ANO3: variants seen among roughly 807,000 people sequenced by gnomAD.
The protein encoded by ANO3 is anoctamin 3.
ANO3 carries 99 observed loss-of-function variants against 144.8 expected under a neutral mutation model. The ratio of observed to expected loss-of-function variants is 0.68; its 90% confidence interval spans 0.58 to 0.81. ANO3 has a LOEUF of 0.81. ANO3 is among the 30% of genes least tolerant of loss of function. The pLI is 0.00. For synonymous variants in ANO3, 414 were observed against 392.6 expected (o/e 1.05, Z -0.64); for missense variants, 905 against 1,202.2 (o/e 0.75, Z 3.66).
At chr11:26,649,706 C>T (rs1251346671) in intron 24 of ANO3, among the ~76,000 whole-genome samples, 1 of 151,484 alleles carries the variant, frequency 6.6e-6, no homozygotes, top group Non-Finnish European at 1.5e-5. Context: ...CATTGCACTC[C>T]AGCCTGGACG....
chr11:26,464,148 T>G (rs879424212), intron 4 of ANO3, among the ~76,000 whole-genome samples: 3 of 151,878 alleles, frequency 2.0e-5, no homozygotes, highest in Non-Finnish European at 2.9e-5. Flanking sequence ...GACTAAATAT[T>G]ACTATCATGA....
upstream of ANO3, among the ~76,000 whole-genome samples, chr11:26,306,548 C>G (rs1190043991): frequency 6.6e-6 from 1 of 152,050 alleles, no homozygotes; most frequent in Non-Finnish European, 1.5e-5. Context: ...CCTGTGGTCC[C>G]AGCTACTTGG....
chr11:26,441,770 T>G (rs554628102), intron 1 of ANO3, 148 bp from the exon 2 acceptor site: 32 of 563,674 alleles, frequency 5.7e-5, no homozygotes, highest in East Asian at 5.2e-4. Flanking sequence ...TGACAAAACA[T>G]AAACAAGACT....
At chr11:26,438,917 A>T (rs750675757) in intron 1 of ANO3, among the ~76,000 whole-genome samples, 4 of 152,214 alleles carry the variant, frequency 2.6e-5, no homozygotes, top group Non-Finnish European at 5.9e-5. Flanking sequence ...AAGAACTCAG[A>T]TTTTCTGGTT....
chr11:26,642,271 T>C (rs1481008148), intron 22 of ANO3, among the ~76,000 whole-genome samples: 1 of 152,070 alleles, frequency 6.6e-6, no homozygotes, highest in African/African-American at 2.4e-5. Context: ...GAACACCTAT[T>C]TTATGAGCAA....
At chr11:26,210,003 G>T (rs1341495848) in intron 1 of ANO3, among the ~76,000 whole-genome samples, 3 of 152,108 alleles carry the variant, frequency 2.0e-5, no homozygotes, top group Non-Finnish European at 4.4e-5. Context: ...GATATCATTT[G>T]TCAATTTTGG....
At chr11:26,457,723 A>AT (rs1859222623) in intron 3 of ANO3, among the ~76,000 whole-genome samples, 1 of 152,114 alleles carries the variant, frequency 6.6e-6, no homozygotes, top group Admixed American at 6.6e-5. Context: ...CCTTGCCACT[A>AT]TGTCAGCCTT....
chr11:26,379,804 T>C (rs145372888), intron 1 of ANO3, among the ~76,000 whole-genome samples: 2,243 of 151,912 alleles, frequency 0.015, 61 homozygotes, highest in Admixed American at 0.074. Flanking sequence ...AAAAGAATGG[T>C]GAAAATTGGA....
At chr11:26,598,282 T>C in intron 14 of ANO3, 83 bp from the exon 15 acceptor site, 1 of 603,270 alleles carries the variant, frequency 1.7e-6, no homozygotes, top group Non-Finnish European at 2.6e-6. Flanking sequence ...TAATTTTAAT[T>C]ATGAGATAAG....
At chr11:26,346,548 A>C (rs183052660) in intron 1 of ANO3, among the ~76,000 whole-genome samples, 59 of 152,242 alleles carry the variant, frequency 3.9e-4, no homozygotes, top group African/African-American at 1.3e-3. Context: ...ATCTGGACTT[A>C]ATATTTATGT....
At chr11:26,410,755 G>T (rs1192840274) in intron 1 of ANO3, among the ~76,000 whole-genome samples, 1 of 151,994 alleles carries the variant, frequency 6.6e-6, no homozygotes, top group African/African-American at 2.4e-5. Flanking sequence ...AAGGTTAACA[G>T]CTGGAACTGT....
intron 5 of ANO3, among the ~76,000 whole-genome samples, chr11:26,514,085 G>GTTTT (rs142484477): frequency 1.4e-4 from 21 of 146,546 alleles, no homozygotes; most frequent in Non-Finnish European, 1.7e-4. Context: ...TACAGAAAGA[G>GTTTT]TTTTTTTTTT....
Position 26,661,426 on chromosome 11 carries a change from A to C in ANO3, c.*982A>C, listed in dbSNP as rs1383408240. The C allele has an allele frequency of 6.6e-6, 1 of 152,556 alleles. No homozygotes were observed. The highest frequency in any genetic ancestry group is 2.4e-5 in the African/African-American group (1 of 41,454). 9.5% of individuals were successfully genotyped at this position (152,556 alleles called of 1,614,324 possible). ...TTGTGGTTTATGCAGCTCTGACACC[A>C]GTTTTTGCTATTGTAATATGTTTAT... On this transcript the variant is annotated 3_prime_UTR_variant, in exon 27 of 27. Coordinates refer to ENST00000256737, the MANE Select transcript of ANO3 (RefSeq NM_031418.4).
intron 3 of ANO3, among the ~76,000 whole-genome samples, chr11:26,446,097 G>A (rs1858693932): frequency 6.6e-6 from 1 of 152,140 alleles, no homozygotes; most frequent in Non-Finnish European, 1.5e-5. Context: ...CTACCAAAGT[G>A]CTGGGATTAC....
intron 1 of ANO3, among the ~76,000 whole-genome samples, chr11:26,367,552 C>T (rs1395930833): frequency 1.3e-5 from 2 of 151,942 alleles, no homozygotes; most frequent in Non-Finnish European, 2.9e-5. Flanking sequence ...GTCTGTTACC[C>T]AGTTCCAAAG....
At position 26,660,842 on chromosome 11, in the gene ANO3, C is replaced by T; in HGVS notation, c.*398C>T. ...TAAAATATCATGCAGTCTTCACTCACATACTAATTTGACTTTGGAAAGTAT... is the reference window on the plus strand; with the variant it reads ...TAAAATATCATGCAGTCTTCACTCATATACTAATTTGACTTTGGAAAGTAT... On this transcript the variant is annotated 3_prime_UTR_variant, in exon 27 of 27. Coordinates refer to ENST00000256737, the MANE Select transcript of ANO3 (RefSeq NM_031418.4). 6.2e-6 allele frequency: 1 copy of T among 161,466 alleles called. No individual in the cohort carries two copies. The highest frequency in any genetic ancestry group is 1.8e-4 in the East Asian group (1 of 5,504). The allele number at this position is 161,466 out of a possible 1,614,324, so 10.0% of individuals were successfully genotyped here. A position where few individuals can be genotyped will look rare whatever the true frequency, so the allele number is the denominator to read the frequency against.
chr11:26,606,607 T>A (rs1275561345), intron 17 of ANO3, among the ~76,000 whole-genome samples: 1 of 151,946 alleles, frequency 6.6e-6, no homozygotes, highest in African/African-American at 2.4e-5. Flanking sequence ...CTTTTTTTTT[T>A]GGCTATTTGC....
chr11:26,649,539 C>T (rs771683191), intron 24 of ANO3, among the ~76,000 whole-genome samples: 1 of 152,032 alleles, frequency 6.6e-6, no homozygotes, highest in African/African-American at 2.4e-5. Flanking sequence ...GAATTCCAGA[C>T]CAGGCTGGCC....
intron 1 of ANO3, among the ~76,000 whole-genome samples, chr11:26,300,855 CTTTTTTTTTT>C (rs376885670): frequency 7.7e-6 from 1 of 129,074 alleles, no homozygotes; most frequent in Non-Finnish European, 1.6e-5. Context: ...TCTTTTTTTT[CTTTTTTTTTT>C]TTTTTTGAGG....
Sources: gnomAD v4.1 joint callset for allele counts (sites outside exome capture counted in the v4.1 genomes callset) on GRCh38, gnomAD v4.1.1 for gene constraint, MANE v1.5 for transcripts, NCBI Gene and HGNC (gene_info 2026-07-23, HGNC 2026-07-21) for gene names.